FSTL5: variants seen among roughly 807,000 people sequenced by gnomAD.
FSTL5 encodes the protein follistatin like 5.
FSTL5 carries 62 observed loss-of-function variants against 89.1 expected under a neutral mutation model. The observed-to-expected ratio is 0.70, with a 90% CI of 0.57 to 0.86. FSTL5 has a LOEUF of 0.86. Among genes scored for constraint, FSTL5 ranks in the 40% least tolerant of loss-of-function variants. The probability of loss-of-function intolerance (pLI) is 0.00; values close to 1 mark genes in which losing one functional copy is unlikely to be tolerated. For missense variants in FSTL5, 1,057 were observed against 1,001.6 expected, an observed-to-expected ratio of 1.06 and a Z score of -0.75; for synonymous variants, 383 against 346.2, an observed-to-expected ratio of 1.11 and a Z score of -1.18.
intron 9 of FSTL5, among the ~76,000 whole-genome samples, chr4:161,541,551 GT>G (rs35575694): frequency 6.6e-6 from 1 of 152,092 alleles, no homozygotes; most frequent in Non-Finnish European, 1.5e-5. Context: ...TAGGATTAAA[GT>G]TTTTAAAGTT....
chr4:162,131,212 G>A (rs1732288429), intron 1 of FSTL5, among the ~76,000 whole-genome samples: 1 of 152,112 alleles, frequency 6.6e-6, no homozygotes, highest in African/African-American at 2.4e-5. Flanking sequence ...AATAGAATTA[G>A]AATCTCAGGT....
chr4:161,656,608 AG>A, intron 6 of FSTL5, 114 bp from the exon 7 acceptor site: 1 of 554,842 alleles, frequency 1.8e-6, no homozygotes, highest in Non-Finnish European at 2.8e-6. Context: ...AAGGGAAAAA[AG>A]CTTGTGATGA....
chr4:161,535,296 C>A (rs2126535759), intron 10 of FSTL5, among the ~76,000 whole-genome samples: 1 of 151,998 alleles, frequency 6.6e-6, no homozygotes, highest in South Asian at 2.1e-4. Context: ...AAACAGAAAG[C>A]CTACAGAATG....
intron 8 of FSTL5, among the ~76,000 whole-genome samples, chr4:161,545,757 C>T (rs902434714): frequency 1.3e-5 from 2 of 151,958 alleles, no homozygotes; most frequent in South Asian, 2.1e-4. Context: ...TGGTACCCCC[C>T]AGTGCCTGAC....
At chr4:161,454,924 G>T in intron 15 of FSTL5, 80 bp downstream of exon 15, 2 of 1,350,544 alleles carry the variant, frequency 1.5e-6, no homozygotes, top group Non-Finnish European at 2.1e-6. Flanking sequence ...TCATATCTAA[G>T]TTTCTTTACG....
At chr4:162,128,690 TG>T (rs1196290068) in intron 1 of FSTL5, among the ~76,000 whole-genome samples, 1 of 152,184 alleles carries the variant, frequency 6.6e-6, no homozygotes, top group Non-Finnish European at 1.5e-5. Context: ...TCATAGAAGA[TG>T]AGGAAGAAAG....
At chr4:162,050,848 A>C (rs1472822006) in intron 2 of FSTL5, among the ~76,000 whole-genome samples, 1 of 151,420 alleles carries the variant, frequency 6.6e-6, no homozygotes, top group Non-Finnish European at 1.5e-5. Context: ...TAAAGAGAAA[A>C]ACTATATTTG....
At chr4:161,438,294 A>G (rs192516012) in intron 15 of FSTL5, among the ~76,000 whole-genome samples, 2 of 148,776 alleles carry the variant, frequency 1.3e-5, no homozygotes, top group East Asian at 1.9e-4. Flanking sequence ...AGGTTTTCCT[A>G]TTTATCTGTA....
intron 13 of FSTL5, among the ~76,000 whole-genome samples, chr4:161,475,970 G>T (rs981540093): frequency 2.6e-5 from 4 of 151,946 alleles, no homozygotes; most frequent in Non-Finnish European, 5.9e-5. Context: ...AGCGAGGATG[G>T]TCTTGATCTC....
At chr4:161,865,852 T>G (rs1288013357) in intron 4 of FSTL5, among the ~76,000 whole-genome samples, 3 of 152,226 alleles carry the variant, frequency 2.0e-5, no homozygotes, top group African/African-American at 7.2e-5. Flanking sequence ...CAAACAGGAA[T>G]TATTTTACAA....
intron 7 of FSTL5, among the ~76,000 whole-genome samples, chr4:161,595,986 C>A (rs1734000863): frequency 6.6e-6 from 1 of 151,792 alleles, no homozygotes; most frequent in African/African-American, 2.4e-5. Flanking sequence ...TCTGAGTTTT[C>A]TAGTGTATGC....
At chr4:161,537,142 T>C (rs1413531919) in intron 10 of FSTL5, among the ~76,000 whole-genome samples, 1 of 152,102 alleles carries the variant, frequency 6.6e-6, no homozygotes. Context: ...TCTCAATGGA[T>C]CCACTCATGT....
intron 6 of FSTL5, among the ~76,000 whole-genome samples, chr4:161,664,565 AT>A (rs969765737): frequency 6.6e-6 from 1 of 152,068 alleles, no homozygotes; most frequent in Non-Finnish European, 1.5e-5. Flanking sequence ...CACCATCAGC[AT>A]TTTTGTCAAA....
intron 15 of FSTL5, among the ~76,000 whole-genome samples, chr4:161,409,392 T>G (rs1451543389): frequency 6.7e-6 from 1 of 149,774 alleles, no homozygotes; most frequent in Non-Finnish European, 1.5e-5. Flanking sequence ...ATTATTATTA[T>G]TATTTTTTTG....
At chr4:161,980,261 A>AAAAGAAAG (rs60880931) in intron 3 of FSTL5, among the ~76,000 whole-genome samples, 1 of 147,682 alleles carries the variant, frequency 6.8e-6, no homozygotes, top group African/African-American at 2.5e-5. Flanking sequence ...GAAGAAAGAA[A>AAAAGAAAG]AAAGAAAGAA....
intron 1 of FSTL5, among the ~76,000 whole-genome samples, chr4:162,159,832 C>T (rs1026158007): frequency 2.0e-5 from 3 of 151,880 alleles, no homozygotes; most frequent in African/African-American, 7.2e-5. Context: ...GGCAAATATT[C>T]ATTTTCAATT....
chr4:161,580,425 G>T (rs1285392285), intron 8 of FSTL5, among the ~76,000 whole-genome samples: 1 of 152,120 alleles, frequency 6.6e-6, no homozygotes, highest in Non-Finnish European at 1.5e-5. Flanking sequence ...AAGACCCTAG[G>T]TTCAACTAGT....
chr4:161,968,346 A>G (rs1234258711), intron 3 of FSTL5, among the ~76,000 whole-genome samples: 1 of 152,060 alleles, frequency 6.6e-6, no homozygotes, highest in Non-Finnish European at 1.5e-5. Context: ...TATAAATGCA[A>G]TGTCTTTAAA....
chr4:161,722,802 T>C (rs1436238864), intron 6 of FSTL5, among the ~76,000 whole-genome samples: 1 of 152,200 alleles, frequency 6.6e-6, no homozygotes, highest in African/African-American at 2.4e-5. Flanking sequence ...CTAAATATGC[T>C]AAATGTCACT....
Sources: allele counts gnomAD v4.1 joint callset (sites outside exome capture counted in the v4.1 genomes callset), GRCh38; gene constraint gnomAD v4.1.1; transcripts MANE v1.5; gene names NCBI Gene and HGNC (gene_info 2026-07-23, HGNC 2026-07-21).